Variants in P3H2 observed in about 807,000 individuals in gnomAD.
The protein encoded by P3H2 is leprecan-like 1.
P3H2 carries 80 observed loss-of-function variants against 87.0 expected under a neutral mutation model. That is an observed-to-expected ratio of 0.92 (90% CI 0.77 to 1.11). P3H2 has a LOEUF of 1.11. Among genes scored for constraint, P3H2 ranks in the 50% least tolerant of loss-of-function variants. The pLI is 0.00. For synonymous variants in P3H2, 367 were observed against 359.3 expected, an observed-to-expected ratio of 1.02 and a Z score of -0.24; for missense variants, 1,001 against 923.9, an observed-to-expected ratio of 1.08 and a Z score of -1.08.
chr3:190,070,206 G>C (rs1052592683), intron 1 of P3H2, among the ~76,000 whole-genome samples: 1 of 152,144 alleles, frequency 6.6e-6, no homozygotes, highest in South Asian at 2.1e-4. Context: ...TTCTTACATA[G>C]AGATTTATTA....
intron 8 of P3H2, among the ~76,000 whole-genome samples, chr3:189,980,228 T>C (rs1478417724): frequency 6.6e-6 from 1 of 152,174 alleles, no homozygotes; most frequent in Non-Finnish European, 1.5e-5. Flanking sequence ...TACTCTATTC[T>C]GCGACACATG....
chr3:190,068,888 A>G (rs1726603886), intron 1 of P3H2, among the ~76,000 whole-genome samples: 1 of 152,210 alleles, frequency 6.6e-6, no homozygotes, highest in Admixed American at 6.5e-5. Context: ...AGACTTTTAC[A>G]AAAAAATTGC....
At chr3:190,104,906 T>C (rs1034249408) in intron 1 of P3H2, among the ~76,000 whole-genome samples, 3 of 152,176 alleles carry the variant, frequency 2.0e-5, no homozygotes, top group Admixed American at 1.3e-4. Context: ...GTACTGTTTT[T>C]TCCTCTTTTC....
chr3:190,066,143 G>GTATATATA (rs60898721), intron 1 of P3H2, among the ~76,000 whole-genome samples: 5 of 138,764 alleles, frequency 3.6e-5, no homozygotes, highest in Admixed American at 1.5e-4. Flanking sequence ...ACTGTGGTGT[G>GTATATATA]TATATATATA....
chr3:190,061,530 C>T (rs1257286762), intron 1 of P3H2, among the ~76,000 whole-genome samples: 1 of 151,936 alleles, frequency 6.6e-6, no homozygotes, highest in African/African-American at 2.4e-5. Flanking sequence ...AACAGGTTAC[C>T]CTGTTTGTGT....
At chr3:190,069,080 T>C (rs1301178811) in intron 1 of P3H2, among the ~76,000 whole-genome samples, 1 of 152,172 alleles carries the variant, frequency 6.6e-6, no homozygotes, top group Non-Finnish European at 1.5e-5. Context: ...TCTGGTATAT[T>C]AATCCAAGAG....
intron 13 of P3H2, chr3:189,969,883 G>T: frequency 1.8e-6 from 2 of 1,129,634 alleles, no homozygotes; most frequent in Non-Finnish European, 2.7e-6. Flanking sequence ...AAAGGAAGCT[G>T]CAGTGGGCGA....
chr3:189,979,296 T>C (rs1315259672), intron 8 of P3H2, among the ~76,000 whole-genome samples: 2 of 151,502 alleles, frequency 1.3e-5, no homozygotes, highest in African/African-American at 2.4e-5. Context: ...GGCATGGTGA[T>C]GCATGCCTGT....
At chr3:190,013,514 A>C (rs942024090) in intron 1 of P3H2, among the ~76,000 whole-genome samples, 15 of 152,258 alleles carry the variant, frequency 9.9e-5, no homozygotes, top group African/African-American at 3.6e-4. Flanking sequence ...GATGATGGAT[A>C]CATCTGTGGA....
At chr3:190,109,708 A>G (rs1711993707) in intron 1 of P3H2, among the ~76,000 whole-genome samples, 1 of 152,156 alleles carries the variant, frequency 6.6e-6, no homozygotes, top group Non-Finnish European at 1.5e-5. Context: ...TATTTCCAAT[A>G]GATTTCTCCT....
At chr3:190,085,946 A>G (rs1184401292) in intron 1 of P3H2, among the ~76,000 whole-genome samples, 1 of 152,202 alleles carries the variant, frequency 6.6e-6, no homozygotes, top group Admixed American at 6.5e-5. Context: ...CTGGACAGGT[A>G]AAGAGAGATG....
intron 1 of P3H2, among the ~76,000 whole-genome samples, chr3:190,026,306 G>T (rs189900468): frequency 6.6e-6 from 1 of 152,306 alleles, no homozygotes; most frequent in Admixed American, 6.5e-5. Context: ...CTGGGTAAAA[G>T]GAGCCTGAGG....
intron 1 of P3H2, among the ~76,000 whole-genome samples, chr3:190,027,939 G>T (rs1725132702): frequency 6.7e-6 from 1 of 149,136 alleles, no homozygotes; most frequent in South Asian, 2.2e-4. Context: ...CTGCACTCTA[G>T]CCTGGGCGAC....
intron 4 of P3H2, 127 bp downstream of exon 4, chr3:189,988,780 A>G (rs1408618668): frequency 1.6e-5 from 19 of 1,191,502 alleles, no homozygotes; most frequent in Non-Finnish European, 2.3e-5. Flanking sequence ...GGAGAGAAGA[A>G]ATGCATAAAT....
intron 1 of P3H2, among the ~76,000 whole-genome samples, chr3:190,037,350 G>T (rs1002411474): frequency 2.6e-5 from 4 of 151,942 alleles, no homozygotes; most frequent in Non-Finnish European, 5.9e-5. Context: ...TCTAGTATAA[G>T]CTCTAGATTT....
chr3:190,041,037 T>TACACAC lies in P3H2; in HGVS notation c.481-45601_481-45596dup, dbSNP rs1202716732. The stretch of plus-strand genomic sequence containing the variant: ...TGGCTCTACTATATATATATATATA[T>TACACAC]ACACACACACACACACACACACACA... On this transcript the variant is annotated intron_variant, in intron 1 of 14. Transcript: ENST00000319332. Among the ~76,000 whole-genome samples, 9 of 49,368 alleles carry TACACAC rather than the reference T, an allele frequency of 1.8e-4. No individual in the cohort carries two copies. In the East Asian group the frequency reaches 3.6e-3, roughly 20 times the overall value. 32.4% of individuals were successfully genotyped at this position (49,368 alleles called of 152,430 possible). A position where few individuals can be genotyped will look rare whatever the true frequency, so the allele number is the denominator to read the frequency against.
intron 1 of P3H2, among the ~76,000 whole-genome samples, chr3:190,068,134 T>C (rs1051184967): frequency 1.3e-5 from 2 of 152,174 alleles, no homozygotes; most frequent in African/African-American, 4.8e-5. Flanking sequence ...CTGAATTACA[T>C]TGTTTATAAA....
intron 1 of P3H2, among the ~76,000 whole-genome samples, chr3:190,090,652 C>G (rs898655805): frequency 1.3e-5 from 2 of 151,556 alleles, no homozygotes; most frequent in Non-Finnish European, 2.9e-5. Flanking sequence ...GCAGTGAGCC[C>G]AGATTGTGCC....
intron 1 of P3H2, among the ~76,000 whole-genome samples, chr3:190,077,005 A>G (rs757667355): frequency 2.6e-5 from 4 of 152,326 alleles, no homozygotes; most frequent in Non-Finnish European, 5.9e-5. Flanking sequence ...AGCATCACCT[A>G]TCTACTGCTG....
Sources: gnomAD v4.1 joint callset for allele counts (sites outside exome capture counted in the v4.1 genomes callset) on GRCh38, gnomAD v4.1.1 for gene constraint, MANE v1.5 for transcripts, NCBI Gene and HGNC (gene_info 2026-07-23, HGNC 2026-07-21) for gene names.